Variants in AUTS2 observed in about 807,000 individuals in gnomAD.
AUTS2 encodes autism susceptibility gene 2 protein.
In AUTS2, 17 loss-of-function variants were observed where a neutral mutation model predicts 112.4. The observed-to-expected ratio is 0.15, with a 90% confidence interval of 0.10 to 0.23. The LOEUF (loss-of-function observed/expected upper bound fraction) is 0.23. Among genes scored for constraint, AUTS2 ranks in the 10% least tolerant of loss-of-function variants. The probability of loss-of-function intolerance (pLI) is 1.00; values close to 1 mark genes in which losing one functional copy is unlikely to be tolerated. For synonymous variants in AUTS2, 751 were observed against 702.7 expected, an observed-to-expected ratio of 1.07 and a Z score of -1.09; for missense variants, 1,510 against 1,701.6, an observed-to-expected ratio of 0.89 and a Z score of 1.98.
At chr7:70,705,322 C>A (rs1476488978) in intron 6 of AUTS2, among the ~76,000 whole-genome samples, 2 of 152,204 alleles carry the variant, frequency 1.3e-5, no homozygotes, top group Non-Finnish European at 2.9e-5. Context: ...CAGAAAACTT[C>A]AGTGGAGAAA....
rs560350372 is a variant in AUTS2, at chr7:69,807,935, C to A, written c.310-91351C>A. Among the ~76,000 whole-genome samples the A allele has an allele frequency of 3.4e-3, 514 of 150,124 alleles. 2 individuals are homozygous for A. Among genetic ancestry groups the A allele is most frequent in the African/African-American group, 0.012 (490 of 40,614 alleles). On this transcript the variant is annotated intron_variant, in intron 1 of 18. Transcript: ENST00000342771. ...GCACTCAAGGGGAGGAGAATTAGGC[C>A]CAAGCTTTTTTTTTTTTTTTTTTTT...
chr7:69,753,027 C>T (rs1787805141), intron 1 of AUTS2, among the ~76,000 whole-genome samples: 2 of 152,198 alleles, frequency 1.3e-5, no homozygotes, highest in African/African-American at 4.8e-5. Flanking sequence ...TGTTTAGAAA[C>T]ATCTGGGGTT....
At chr7:70,096,354 T>G (rs1584715621) in intron 2 of AUTS2, among the ~76,000 whole-genome samples, 1 of 152,082 alleles carries the variant, frequency 6.6e-6, no homozygotes, top group Admixed American at 6.6e-5. Context: ...CCCAGCACTT[T>G]GGGAGGCTGA....
At chr7:70,337,545 G>A (rs1355574300) in intron 4 of AUTS2, among the ~76,000 whole-genome samples, 3 of 152,176 alleles carry the variant, frequency 2.0e-5, no homozygotes, top group East Asian at 1.9e-4. Context: ...CCTGTAGAGT[G>A]TCTTCTGCAT....
chr7:70,644,250 T>C (rs558761249), intron 5 of AUTS2, among the ~76,000 whole-genome samples: 1 of 152,290 alleles, frequency 6.6e-6, no homozygotes, highest in South Asian at 2.1e-4. Context: ...TGATACATGC[T>C]AACAATGGTT....
intron 5 of AUTS2, among the ~76,000 whole-genome samples, chr7:70,641,476 C>T (rs1245546399): frequency 2.0e-5 from 3 of 152,100 alleles, no homozygotes; most frequent in Non-Finnish European, 4.4e-5. Context: ...GGCGTGAACC[C>T]GGGAGGCAGA....
rs143842032 is a variant in AUTS2, at chr7:69,920,466, G to A, written c.522+20968G>A. On this transcript the variant is annotated intron_variant, in intron 2 of 18. Coordinates refer to ENST00000342771, the MANE Select transcript of AUTS2 (RefSeq NM_015570.4). The stretch of plus-strand genomic sequence containing the variant: ...CATGCCCGGCTGTTTTTGTATTTTC[G>A]GGGGAGGCAGGGTTTTTCCATGTTT... Among the ~76,000 whole-genome samples, 931 of 151,884 alleles carry A rather than the reference G, an allele frequency of 6.1e-3. 9 individuals are homozygous for A. The highest frequency in any genetic ancestry group is 0.016 in the East Asian group (85 of 5,152).
chr7:70,207,925 C>T (rs775585432), intron 4 of AUTS2, among the ~76,000 whole-genome samples: 2 of 148,392 alleles, frequency 1.3e-5, no homozygotes, highest in African/African-American at 2.5e-5. Flanking sequence ...GCAGGAGAAT[C>T]GCTTGAACCC....
intron 4 of AUTS2, among the ~76,000 whole-genome samples, chr7:70,158,617 T>TTG (rs1227576346): frequency 6.6e-6 from 1 of 152,176 alleles, no homozygotes; most frequent in Non-Finnish European, 1.5e-5. Context: ...TATTCATTTT[T>TTG]AAGACGTCCA....
intron 4 of AUTS2, among the ~76,000 whole-genome samples, chr7:70,312,214 T>C (rs932028344): frequency 6.6e-6 from 1 of 152,176 alleles, no homozygotes; most frequent in Non-Finnish European, 1.5e-5. Flanking sequence ...AATCGTGTGC[T>C]TTTTCTGTGT....
At chr7:69,684,728 T>C (rs1796984914) in intron 1 of AUTS2, among the ~76,000 whole-genome samples, 1 of 152,196 alleles carries the variant, frequency 6.6e-6, no homozygotes, top group African/African-American at 2.4e-5. Flanking sequence ...CTGTGGAATA[T>C]GTATTTTGAT....
chr7:70,161,231 A>G (rs931887446), intron 4 of AUTS2, among the ~76,000 whole-genome samples: 11 of 151,786 alleles, frequency 7.2e-5, no homozygotes, highest in Admixed American at 5.9e-4. Flanking sequence ...GACATTTCCT[A>G]TTTAATTTGC....
intron 5 of AUTS2, among the ~76,000 whole-genome samples, chr7:70,696,213 C>T (rs183204013): frequency 1.1e-3 from 161 of 152,256 alleles, no homozygotes; most frequent in African/African-American, 3.8e-3. Flanking sequence ...GTGTCGTTTC[C>T]CCTGAAGATT....
chr7:70,240,571 A>G (rs1368154941), intron 4 of AUTS2, among the ~76,000 whole-genome samples: 1 of 152,036 alleles, frequency 6.6e-6, no homozygotes, highest in African/African-American at 2.4e-5. Context: ...ATTCTTCTTT[A>G]TGTTGGTTTT....
rs189606310 is a variant in AUTS2 at position 70,678,167 on chromosome 7, A to G, written c.691-20402A>G. Among the ~76,000 whole-genome samples, 96 of 152,282 alleles carry G rather than the reference A, an allele frequency of 6.3e-4. No individual in the cohort carries two copies. The South Asian group carries it at 0.012, about 19-fold the overall frequency. ...AGTTGTCCTCTCTCCCTCCTAAATTATAAGTTTCCTAAGGGCAGATAACAT... is the reference window on the plus strand; with the variant it reads ...AGTTGTCCTCTCTCCCTCCTAAATTGTAAGTTTCCTAAGGGCAGATAACAT... On this transcript the variant is annotated intron_variant, in intron 5 of 18. Transcript: ENST00000342771.
chr7:69,616,650 G>T (rs1433999257), intron 1 of AUTS2, among the ~76,000 whole-genome samples: 1 of 152,186 alleles, frequency 6.6e-6, no homozygotes, highest in Admixed American at 6.5e-5. Context: ...ATCGCAGAAT[G>T]GAACATCATT....
At chr7:70,041,038 A>G (rs576110430) in intron 2 of AUTS2, among the ~76,000 whole-genome samples, 3 of 152,314 alleles carry the variant, frequency 2.0e-5, no homozygotes, top group Admixed American at 6.5e-5. Context: ...AGAGTGACCA[A>G]TGAGAAAATA....
At chr7:70,378,476 G>A (rs1489032058) in intron 4 of AUTS2, among the ~76,000 whole-genome samples, 3 of 152,194 alleles carry the variant, frequency 2.0e-5, no homozygotes, top group African/African-American at 7.2e-5. Flanking sequence ...TTCATGCTAT[G>A]TACCAGGCAC....
chr7:70,461,003 G>C (rs556510887), intron 5 of AUTS2, among the ~76,000 whole-genome samples: 1 of 152,158 alleles, frequency 6.6e-6, no homozygotes, highest in Non-Finnish European at 1.5e-5. Flanking sequence ...AGTGGTGACA[G>C]ATAAGTCTAG....
Sources: gnomAD v4.1 joint callset for allele counts (sites outside exome capture counted in the v4.1 genomes callset) on GRCh38, gnomAD v4.1.1 for gene constraint, MANE v1.5 for transcripts, NCBI Gene and HGNC (gene_info 2026-07-23, HGNC 2026-07-21) for gene names.